KAT6B: variants seen among roughly 807,000 people sequenced by gnomAD.
KAT6B encodes the protein lysine acetyltransferase 6B.
Under a neutral mutation model 187.5 loss-of-function variants are expected in KAT6B, and 10 were observed. The observed-to-expected ratio is 0.05, with a 90% CI of 0.03 to 0.09. The LOEUF (loss-of-function observed/expected upper bound fraction) is 0.09. Ranked by LOEUF, KAT6B falls within the 10% of genes least tolerant of loss-of-function variation. The probability of loss-of-function intolerance (pLI) is 1.00; values close to 1 mark genes in which losing one functional copy is unlikely to be tolerated. For missense variants in KAT6B, 1,952 were observed against 2,558.9 expected (o/e 0.76, Z 5.12); for synonymous variants, 861 against 926.8 (o/e 0.93, Z 1.29).
At chr10:74,847,878 G>A (rs1002197677) in intron 3 of KAT6B, among the ~76,000 whole-genome samples, 1 of 150,896 alleles carries the variant, frequency 6.6e-6, no homozygotes, top group Non-Finnish European at 1.5e-5. Context: ...GTGAAGTCAT[G>A]TGTGTGTATC....
At chr10:74,919,242 A>AT (rs1199731094) in intron 3 of KAT6B, among the ~76,000 whole-genome samples, 18 of 151,582 alleles carry the variant, frequency 1.2e-4, no homozygotes, top group Admixed American at 2.0e-4. Context: ...ATATATATAT[A>AT]TTTTTTTCCT....
intron 13 of KAT6B, among the ~76,000 whole-genome samples, chr10:75,001,379 C>T (rs1216160105): frequency 6.6e-6 from 1 of 152,162 alleles, no homozygotes; most frequent in Admixed American, 6.5e-5. Context: ...TTCCTGCTCC[C>T]TGCTTCTCTG....
chr10:74,832,050 G>A (rs1236370564), intron 1 of KAT6B, among the ~76,000 whole-genome samples: 1 of 152,234 alleles, frequency 6.6e-6, no homozygotes, highest in Non-Finnish European at 1.5e-5. Flanking sequence ...GCTAACTATT[G>A]TGAAACTGGA....
At chr10:75,021,770 G>T (rs1845422292) in intron 15 of KAT6B, 111 bp from the exon 16 acceptor site, 2 of 1,078,824 alleles carry the variant, frequency 1.9e-6, no homozygotes, top group Non-Finnish European at 2.8e-6. Flanking sequence ...TGCTTGGCTG[G>T]CTGGCTGTCC....
intron 13 of KAT6B, among the ~76,000 whole-genome samples, chr10:74,998,925 T>C (rs1249121054): frequency 6.6e-6 from 1 of 152,144 alleles, no homozygotes; most frequent in East Asian, 1.9e-4. Context: ...CAGACCCTGT[T>C]TCTTAAAAAA....
intron 3 of KAT6B, among the ~76,000 whole-genome samples, chr10:74,883,240 G>A (rs549361417): frequency 7.2e-5 from 11 of 152,228 alleles, no homozygotes; most frequent in Non-Finnish European, 1.5e-4. Context: ...AGCCTAGTAC[G>A]GTTCTGCTTG....
At chr10:74,855,885 A>G (rs920948192) in intron 3 of KAT6B, among the ~76,000 whole-genome samples, 3 of 152,190 alleles carry the variant, frequency 2.0e-5, no homozygotes, top group Non-Finnish European at 4.4e-5. Context: ...GTGTGCGTAT[A>G]TATACAGCAC....
Position 75,020,605 on chromosome 10 carries a change from G to A in KAT6B, c.2653G>A (p.Gly885Ser), listed in dbSNP as rs1845325034. Residue 885 changes from glycine to serine, a missense_variant, in exon 14 of 18, where the codon GGC (glycine) becomes AGC (serine). By Grantham distance (56) the Gly-to-Ser change is moderately conservative. Around this residue, in one of 9 missense-constraint regions of KAT6B, gnomAD observed 758 missense variants for 891.4 expected, o/e 0.85. Transcript: ENST00000287239. ...DFSYLLSRRE[G>S]QAGSPEKPLS... ...AGGCTATTTGCTTTCTAGAAGAGAA[G>A]GCCAAGCAGGGTCTCCTGAAAAGCC... 3 of 1,614,156 alleles carry A rather than the reference G, an allele frequency of 1.9e-6. No homozygotes were observed. Among genetic ancestry groups the A allele is most frequent in the Admixed American group, 1.7e-5 (1 of 60,018 alleles).
chr10:75,008,739 CA>C (rs961137314), intron 13 of KAT6B, among the ~76,000 whole-genome samples: 19 of 152,106 alleles, frequency 1.2e-4, no homozygotes, highest in African/African-American at 4.6e-4. Flanking sequence ...TTGTTTTAAA[CA>C]TTGTTTATTT....
chr10:74,833,072 T>C (rs1348716683), intron 1 of KAT6B, among the ~76,000 whole-genome samples: 1 of 146,040 alleles, frequency 6.8e-6, no homozygotes, highest in Non-Finnish European at 1.5e-5. Context: ...GAGGCGGAGG[T>C]TGCAGTGAGC....
intron 3 of KAT6B, among the ~76,000 whole-genome samples, chr10:74,845,321 A>G (rs1842012599): frequency 6.6e-6 from 1 of 151,914 alleles, no homozygotes; most frequent in African/African-American, 2.4e-5. Flanking sequence ...TGAGTTTGAG[A>G]CCAGCCTGGC....
At chr10:75,024,933 G>A (rs372185355) in intron 16 of KAT6B, 25 bp from the exon 17 acceptor site, 2 of 1,610,198 alleles carry the variant, frequency 1.2e-6, no homozygotes, top group Non-Finnish European at 1.7e-6. Flanking sequence ...GAGCTCTTAT[G>A]TGTTATGTTT....
At chr10:74,892,430 C>G (rs763381650) in intron 3 of KAT6B, among the ~76,000 whole-genome samples, 3 of 152,164 alleles carry the variant, frequency 2.0e-5, no homozygotes, top group Non-Finnish European at 4.4e-5. Context: ...GATTTTCTTC[C>G]TGGATAGTCC....
intron 6 of KAT6B, among the ~76,000 whole-genome samples, chr10:74,971,810 C>G (rs1321728812): frequency 1.3e-5 from 2 of 152,060 alleles, no homozygotes; most frequent in East Asian, 3.8e-4. Flanking sequence ...ATTCATCTGT[C>G]TAGAATTTAT....
intron 3 of KAT6B, among the ~76,000 whole-genome samples, chr10:74,949,650 A>G (rs777696292): frequency 5.3e-4 from 80 of 149,906 alleles, no homozygotes; most frequent in Non-Finnish European, 7.9e-4. Context: ...GTTGTGGTTG[A>G]TGTTCTTAGA....
In KAT6B at chr10:75,030,224, G is replaced by T. The variant is rs1475591752; in HGVS notation, c.5400G>T (p.Gln1800His). 6 of 1,614,196 alleles carry T rather than the reference G, an allele frequency of 3.7e-6. No homozygotes were observed. The highest frequency in any genetic ancestry group is 4.2e-6 in the Non-Finnish European group (5 of 1,180,040). The change falls in exon 18 of 18, where the codon CAG (glutamine) becomes CAT (histidine). Residue 1800 changes from glutamine (Q) to histidine (H), a missense_variant. By Grantham distance (24) the Gln-to-His change is conservative. This residue lies in a region of KAT6B where 358 missense variants were observed against 436.3 expected (regional missense o/e 0.82). Transcript: ENST00000287239. The surrounding 1 kb of genome is among the most constrained non-coding windows in gnomAD (Gnocchi z 4.8). ...TTGGCTTATACGAGCGAATGGGTCA[G>T]AGTGATTTTGGGGCTGGGCATTACC... is the stretch of plus-strand genomic sequence containing the variant. The part of the protein sequence containing the change: ...ANIGLYERMG[Q>H]SDFGAGHYPQ...
intron 13 of KAT6B, among the ~76,000 whole-genome samples, chr10:75,014,666 A>G (rs937494685): frequency 7.2e-5 from 11 of 152,200 alleles, no homozygotes; most frequent in African/African-American, 2.7e-4. Flanking sequence ...TGGCACAGGA[A>G]GTTGTTAGAG....
intron 4 of KAT6B, among the ~76,000 whole-genome samples, chr10:74,968,044 A>C (rs1288726437): frequency 6.6e-6 from 1 of 152,160 alleles, no homozygotes; most frequent in Admixed American, 6.5e-5. Context: ...GTGGAATTTA[A>C]ATTGCTGTTC....
Position 74,975,966 on chromosome 10 carries a change from CTT to C in KAT6B, c.1631_1632del (p.Phe544Ter), listed in dbSNP as rs758793654. 6.2e-7 allele frequency: 1 copy of C among 1,614,150 alleles called. No individual in the cohort carries two copies. The highest frequency in any genetic ancestry group is 8.5e-7 in the Non-Finnish European group (1 of 1,180,030). On this transcript the variant is annotated frameshift_variant, in exon 8 of 18. Coordinates refer to ENST00000287239, the MANE Select transcript of KAT6B (RefSeq NM_012330.4). LOFTEE classifies it high-confidence loss of function. ...CCACTAACAGCCAGCTGAAGGCACTCTTTGATGGGCTTTCTCATATCTATACC... is the reference window on the plus strand; with the variant it reads ...CCACTAACAGCCAGCTGAAGGCACTCTGATGGGCTTTCTCATATCTATACC... Reference protein sequence around the residue: ...LTTNSQLKALFDGLSHIYTTQ... With the variant: ...LTTNSQLKALXDGLSHIYTTQ...
Sources: allele counts gnomAD v4.1 joint callset (sites outside exome capture counted in the v4.1 genomes callset), GRCh38; gene constraint gnomAD v4.1.1; regional missense constraint gnomAD v4.1.1; non-coding constraint Gnocchi (gnomAD v3.1); transcripts MANE v1.5; gene names NCBI Gene and HGNC (gene_info 2026-07-23, HGNC 2026-07-21).